FAF1: variants seen among roughly 807,000 people sequenced by gnomAD.
The protein encoded by FAF1 is Fas associated factor 1, also known as FAS-associated factor 1.
A neutral mutation model predicts 92.5 loss-of-function variants in FAF1; 25 were observed. That is an observed-to-expected ratio of 0.27 (90% CI 0.20 to 0.38). The LOEUF is 0.38. Among genes scored for constraint, FAF1 ranks in the 10% least tolerant of loss-of-function variants. The pLI is 1.00. For missense variants in FAF1, 636 were observed against 793.3 expected (o/e 0.80, Z 2.38); for synonymous variants, 234 against 273.2 (o/e 0.86, Z 1.42).
intron 18 of FAF1, among the ~76,000 whole-genome samples, chr1:50,462,529 C>T (rs542088560): frequency 1.8e-4 from 27 of 152,166 alleles, no homozygotes; most frequent in Non-Finnish European, 2.6e-4. Flanking sequence ...ATCAACAACT[C>T]CTCCCCTTTT....
At chr1:50,700,254 G>T (rs1374210518) in intron 7 of FAF1, among the ~76,000 whole-genome samples, 1 of 151,404 alleles carries the variant, frequency 6.6e-6, no homozygotes, top group Non-Finnish European at 1.5e-5. Context: ...TGTGTGTAAT[G>T]GGTCCACTAG....
chr1:50,596,184 G>C lies in FAF1; in HGVS notation c.777C>G (p.Pro259=). ...TTCTTCCCACTGTAAGTCGATGGCA[G>C]GGATAAGAGAGCCCTGATTCAGCAA... is the stretch of plus-strand genomic sequence containing the variant. ...MCLAESGLSY[P]CHRLTVGRRS... Residue 259 remains proline (P), a synonymous_variant, in exon 9 of 19, where the codon CCC becomes CCG. Transcript: ENST00000396153. The C allele has an allele frequency of 6.2e-7, 1 of 1,613,900 alleles. No individual in the cohort carries two copies. The highest frequency in any genetic ancestry group is 1.1e-5 in the South Asian group (1 of 91,058).
At chr1:50,637,232 A>T (rs1419674944) in intron 8 of FAF1, among the ~76,000 whole-genome samples, 1 of 149,622 alleles carries the variant, frequency 6.7e-6, no homozygotes, top group Non-Finnish European at 1.5e-5. Flanking sequence ...GGTCAGGAGT[A>T]CGAGACCAGC....
intron 8 of FAF1, among the ~76,000 whole-genome samples, chr1:50,644,140 T>C (rs1007343062): frequency 7.9e-5 from 12 of 152,320 alleles, no homozygotes; most frequent in Non-Finnish European, 1.6e-4. Flanking sequence ...GGACTTTGTT[T>C]TTAGAGGCAG....
chr1:50,951,594 ACC>A (rs1367384802), intron 1 of FAF1, among the ~76,000 whole-genome samples: 1 of 152,210 alleles, frequency 6.6e-6, no homozygotes, highest in Non-Finnish European at 1.5e-5. Flanking sequence ...CATGTCCTTA[ACC>A]ACCAACCATT....
At chr1:50,597,476 T>C (rs1466360656) in intron 8 of FAF1, among the ~76,000 whole-genome samples, 2 of 152,054 alleles carry the variant, frequency 1.3e-5, no homozygotes. Context: ...TTTGAATAAA[T>C]ATCATGAAAT....
chr1:50,844,348 A>G (rs1644280902), intron 2 of FAF1, among the ~76,000 whole-genome samples: 1 of 152,156 alleles, frequency 6.6e-6, no homozygotes, highest in South Asian at 2.1e-4. Flanking sequence ...GATTTTTAAG[A>G]TGCTTTGAAA....
intron 6 of FAF1, among the ~76,000 whole-genome samples, chr1:50,734,972 AT>A (rs1454481442): frequency 6.6e-6 from 1 of 152,234 alleles, no homozygotes; most frequent in African/African-American, 2.4e-5. Context: ...GAATACCAAC[AT>A]TTAGAGCAGG....
rs576987205 is a variant in FAF1 at position 50,783,111 on chromosome 1, G to A, written c.367+4889C>T. ...ATATGCCAACAAATTAGATAACATA[G>A]AAGAAATGGATAAATTCCTAGAAAC... is the stretch of plus-strand genomic sequence containing the variant. On this transcript the variant is annotated intron_variant, in intron 4 of 18. Transcript: ENST00000396153. Among the ~76,000 whole-genome samples the A allele has an allele frequency of 2.0e-5, 3 of 152,010 alleles. No homozygotes were observed. In the East Asian group the frequency reaches 5.8e-4, roughly 29 times the overall value.
intron 12 of FAF1, among the ~76,000 whole-genome samples, chr1:50,578,899 A>C (rs1231503745): frequency 6.6e-6 from 1 of 150,846 alleles, no homozygotes; most frequent in Non-Finnish European, 1.5e-5. Context: ...GAAATGTAAT[A>C]AACTGTACAT....
At chr1:50,657,448 A>C (rs893052196) in intron 7 of FAF1, among the ~76,000 whole-genome samples, 4 of 151,902 alleles carry the variant, frequency 2.6e-5, no homozygotes, top group African/African-American at 9.7e-5. Context: ...TGTAATCCCA[A>C]CCCTTTGGGA....
At chr1:50,651,972 T>C (rs1252847777) in intron 8 of FAF1, among the ~76,000 whole-genome samples, 1 of 152,246 alleles carries the variant, frequency 6.6e-6, no homozygotes, top group South Asian at 2.1e-4. Context: ...AGCTAGTGAA[T>C]CTGCTGTGGC....
At chr1:50,824,934 G>T (rs752122819) in intron 2 of FAF1, among the ~76,000 whole-genome samples, 1 of 152,054 alleles carries the variant, frequency 6.6e-6, no homozygotes. Flanking sequence ...TGATGGGAGG[G>T]ATAGGGGAGG....
At chr1:50,760,266 T>C (rs1026321419) in intron 4 of FAF1, among the ~76,000 whole-genome samples, 3 of 152,110 alleles carry the variant, frequency 2.0e-5, no homozygotes, top group African/African-American at 4.8e-5. Context: ...CTGTCAACAT[T>C]AGACAGATCA....
intron 4 of FAF1, among the ~76,000 whole-genome samples, chr1:50,781,792 TAA>T (rs928663111): frequency 1.3e-5 from 2 of 152,146 alleles, no homozygotes; most frequent in African/African-American, 4.8e-5. Context: ...GAAATCATAT[TAA>T]GTGTCCTTCG....
rs558159428 is a variant in FAF1, at chr1:50,820,032, C to T, written c.115-18355G>A. 3.3e-4 allele frequency among the ~76,000 whole-genome samples: 50 copies of T among 151,666 alleles called. 1 individual carries two copies. The highest frequency in any genetic ancestry group is 3.1e-3 in the South Asian group (15 of 4,810). On this transcript the variant is annotated intron_variant, in intron 2 of 18. Transcript: ENST00000396153. ...AATCCATATGTCGTTTGTACGTGCACGGCATCCTTTCTCCTCCCCATGCCT... is the reference window on the plus strand; with the variant it reads ...AATCCATATGTCGTTTGTACGTGCATGGCATCCTTTCTCCTCCCCATGCCT...
At chr1:50,553,681 T>A (rs910524359) in intron 13 of FAF1, among the ~76,000 whole-genome samples, 1 of 152,072 alleles carries the variant, frequency 6.6e-6, no homozygotes, top group African/African-American at 2.4e-5. Flanking sequence ...CACACTATCA[T>A]ATGAAGAACA....
intron 8 of FAF1, among the ~76,000 whole-genome samples, chr1:50,622,052 G>C (rs2124179257): frequency 6.6e-6 from 1 of 151,968 alleles, no homozygotes; most frequent in East Asian, 1.9e-4. Context: ...TGTAATCCCA[G>C]CTACTCAGGA....
At chr1:50,558,083 C>T (rs1053799056) in intron 13 of FAF1, among the ~76,000 whole-genome samples, 2 of 151,774 alleles carry the variant, frequency 1.3e-5, no homozygotes, top group African/African-American at 4.8e-5. Flanking sequence ...ATTTTTAGTA[C>T]AGACAGGGTT....
Sources: allele counts gnomAD v4.1 joint callset (sites outside exome capture counted in the v4.1 genomes callset), GRCh38; gene constraint gnomAD v4.1.1; transcripts MANE v1.5; gene names NCBI Gene and HGNC (gene_info 2026-07-23, HGNC 2026-07-21).